The following NALF1 variants were observed in gnomAD, a reference collection of about 807,000 sequenced individuals.
NALF1 encodes the protein NALCN channel auxiliary factor 1.
A neutral mutation model predicts 48.4 loss-of-function variants in NALF1; 3 were observed. That is an observed-to-expected ratio of 0.06 (90% CI 0.03 to 0.16). The LOEUF is 0.16. Ranked by LOEUF, NALF1 falls within the 10% of genes least tolerant of loss-of-function variation. The pLI is 1.00. For missense variants in NALF1, 526 were observed against 571.5 expected (o/e 0.92, Z 0.81); for synonymous variants, 262 against 245.7 (o/e 1.07, Z -0.62).
chr13:107,586,635 A>ATGTTTTTTTTTTTTTTTTTTTTTTTTTT (rs1878464742), intron 1 of NALF1, among the ~76,000 whole-genome samples: 2 of 93,122 alleles, frequency 2.1e-5, no homozygotes, highest in East Asian at 2.7e-4. Flanking sequence ...CCCTATGGAG[A>ATGTTTTTTTTTTTTTTTTTTTTTTTTTT]TTTTTTTTTT....
intron 1 of NALF1, among the ~76,000 whole-genome samples, chr13:107,606,367 A>T (rs1342239354): frequency 4.1e-5 from 6 of 144,688 alleles, no homozygotes; most frequent in South Asian, 2.3e-4. Context: ...TTATTTATTT[A>T]TATATATATA....
chr13:107,593,092 C>T (rs547143528), intron 1 of NALF1, among the ~76,000 whole-genome samples: 1 of 151,794 alleles, frequency 6.6e-6, no homozygotes, highest in African/African-American at 2.4e-5. Flanking sequence ...TTAAGGTGGT[C>T]CTGCATCTCC....
intron 1 of NALF1, among the ~76,000 whole-genome samples, chr13:107,800,619 ATT>A (rs1364836395): frequency 2.7e-5 from 4 of 147,120 alleles, no homozygotes; most frequent in Non-Finnish European, 6.0e-5. Flanking sequence ...TAATATATAT[ATT>A]ATATAATTAT....
chr13:107,631,189 G>T (rs1323667105), intron 1 of NALF1, among the ~76,000 whole-genome samples: 1 of 151,942 alleles, frequency 6.6e-6, no homozygotes, highest in Non-Finnish European at 1.5e-5. Flanking sequence ...ATAGAGAAGA[G>T]GTCCCACTTT....
intron 1 of NALF1, among the ~76,000 whole-genome samples, chr13:107,582,299 C>A (rs1878334187): frequency 6.6e-6 from 1 of 152,206 alleles, no homozygotes; most frequent in Non-Finnish European, 1.5e-5. Flanking sequence ...TAATATAACA[C>A]TACTGTGTGA....
rs576631201 is a variant in NALF1, at chr13:107,370,976, C to T, written c.916-160221G>A. ...CTCCCATGGTTTAATTACCTTCCAC[C>T]GCATCCCTCCCACAATGCATGAGGA... On this transcript the variant is annotated intron_variant, in intron 1 of 2. Transcript: ENST00000375915. Among the ~76,000 whole-genome samples the T allele has an allele frequency of 1.1e-4, 17 of 152,202 alleles. No homozygotes were observed. In the East Asian group the frequency reaches 1.4e-3, roughly 12 times the overall value.
intron 2 of NALF1, among the ~76,000 whole-genome samples, chr13:107,183,785 T>G (rs1879115410): frequency 6.6e-6 from 1 of 151,960 alleles, no homozygotes; most frequent in African/African-American, 2.4e-5. Flanking sequence ...TAAGTGGAAG[T>G]TGAACAATGA....
intron 2 of NALF1, among the ~76,000 whole-genome samples, 189 bp downstream of exon 2, chr13:107,210,395 T>A (rs1187251385): frequency 6.6e-6 from 1 of 152,198 alleles, no homozygotes; most frequent in Non-Finnish European, 1.5e-5. Context: ...GACCATGTGG[T>A]ACAGAAGCTG....
At chr13:107,412,534 CA>C (rs1884010294) in intron 1 of NALF1, among the ~76,000 whole-genome samples, 1 of 152,140 alleles carries the variant, frequency 6.6e-6, no homozygotes, top group African/African-American at 2.4e-5. Flanking sequence ...CCATCTTCAC[CA>C]GTACCACATG....
At chr13:107,432,224 G>T (rs1594059799) in intron 1 of NALF1, among the ~76,000 whole-genome samples, 1 of 152,210 alleles carries the variant, frequency 6.6e-6, no homozygotes, top group South Asian at 2.1e-4. Flanking sequence ...CAGGTCTCTG[G>T]AGAACTCACT....
intron 1 of NALF1, among the ~76,000 whole-genome samples, chr13:107,385,430 G>A (rs1883511052): frequency 6.6e-6 from 1 of 151,980 alleles, no homozygotes; most frequent in Non-Finnish European, 1.5e-5. Flanking sequence ...GCGCGTGCCT[G>A]TAATCCCAGA....
intron 1 of NALF1, among the ~76,000 whole-genome samples, chr13:107,591,424 A>G (rs1878600748): frequency 6.6e-6 from 1 of 152,038 alleles, no homozygotes; most frequent in South Asian, 2.1e-4. Flanking sequence ...TTTAGATAAA[A>G]TGTCAGTATG....
chr13:107,368,892 C>T (rs1189729412), intron 1 of NALF1, among the ~76,000 whole-genome samples: 1 of 152,168 alleles, frequency 6.6e-6, no homozygotes, highest in African/African-American at 2.4e-5. Flanking sequence ...TTAACTTCAC[C>T]TCCTACAATG....
intron 1 of NALF1, among the ~76,000 whole-genome samples, chr13:107,619,569 T>C (rs574932062): frequency 6.6e-6 from 1 of 152,300 alleles, no homozygotes; most frequent in South Asian, 2.1e-4. Context: ...TTTTCTTTAT[T>C]AGATTATGGT....
At chr13:107,565,637 A>T (rs1235032084) in intron 1 of NALF1, among the ~76,000 whole-genome samples, 1 of 152,150 alleles carries the variant, frequency 6.6e-6, no homozygotes, top group Non-Finnish European at 1.5e-5. Flanking sequence ...GGTGATTCTC[A>T]GTAGGTTTCA....
intron 1 of NALF1, among the ~76,000 whole-genome samples, chr13:107,373,687 C>A (rs746082268): frequency 5.3e-5 from 8 of 152,210 alleles, no homozygotes; most frequent in Non-Finnish European, 1.0e-4. Context: ...TCTGAAATAG[C>A]CACAAGAGGG....
At chr13:107,789,688 C>G (rs1375018719) in intron 1 of NALF1, among the ~76,000 whole-genome samples, 2 of 152,128 alleles carry the variant, frequency 1.3e-5, no homozygotes, top group Non-Finnish European at 2.9e-5. Flanking sequence ...AAAACTGAGA[C>G]TCAGACAGAT....
chr13:107,400,787 A>T (rs1179362781), intron 1 of NALF1, among the ~76,000 whole-genome samples: 1 of 152,174 alleles, frequency 6.6e-6, no homozygotes, highest in Non-Finnish European at 1.5e-5. Flanking sequence ...AGAAAACTTC[A>T]CTTGTGAATC....
In NALF1 at chr13:107,412,852, G is replaced by C. The variant is rs564307916; in HGVS notation, c.916-202097C>G. Among the ~76,000 whole-genome samples, 3 of 152,302 alleles carry C rather than the reference G, an allele frequency of 2.0e-5. No homozygotes were observed. In the East Asian group the frequency reaches 5.8e-4, roughly 29 times the overall value. On this transcript the variant is annotated intron_variant, in intron 1 of 2. Coordinates refer to ENST00000375915, the MANE Select transcript of NALF1 (RefSeq NM_001080396.3). The stretch of plus-strand genomic sequence containing the variant: ...AAAGTTGTCTTAAAAGGGAAGTAAT[G>C]AATTTTAGACTGCATGAACTTACAC...
Sources: allele counts gnomAD v4.1 joint callset (sites outside exome capture counted in the v4.1 genomes callset), GRCh38; gene constraint gnomAD v4.1.1; transcripts MANE v1.5; gene names NCBI Gene and HGNC (gene_info 2026-07-23, HGNC 2026-07-21).